LPP: variants seen among roughly 807,000 people sequenced by gnomAD.
LPP encodes lipoma-preferred partner.
A neutral mutation model predicts 60.4 loss-of-function variants in LPP; 38 were observed. The observed-to-expected ratio is 0.63, with a 90% CI of 0.49 to 0.83. The LOEUF is 0.83. LPP is among the 40% of genes least tolerant of loss of function. The pLI is 0.00. For missense variants in LPP, 902 were observed against 783.6 expected, an observed-to-expected ratio of 1.15 and a Z score of -1.80; for synonymous variants, 328 against 290.8, an observed-to-expected ratio of 1.13 and a Z score of -1.30.
At chr3:188,223,830 A>C (rs891332571) in intron 1 of LPP, among the ~76,000 whole-genome samples, 1 of 152,128 alleles carries the variant, frequency 6.6e-6, no homozygotes, top group Non-Finnish European at 1.5e-5. Flanking sequence ...TCACAGGTCT[A>C]ATGTTGGCTT....
At chr3:188,241,197 T>C in intron 2 of LPP, among the ~76,000 whole-genome samples, 1 of 152,300 alleles carries the variant, frequency 6.6e-6, no homozygotes, top group South Asian at 2.1e-4. Flanking sequence ...TGGATAGAAC[T>C]ACTGATATAG....
intron 7 of LPP, among the ~76,000 whole-genome samples, chr3:188,647,914 G>A (rs1008117619): frequency 3.3e-5 from 5 of 152,196 alleles, no homozygotes; most frequent in Non-Finnish European, 5.9e-5. Context: ...CATAAGGCCT[G>A]TGGTCAAAGA....
At chr3:188,617,560 C>T (rs568405781) in intron 7 of LPP, among the ~76,000 whole-genome samples, 10 of 152,256 alleles carry the variant, frequency 6.6e-5, no homozygotes, top group East Asian at 1.9e-4. Flanking sequence ...TGAAAACACT[C>T]GTTCATGGGC....
chr3:188,505,974 C>T (rs1813335291), intron 5 of LPP, among the ~76,000 whole-genome samples: 1 of 152,200 alleles, frequency 6.6e-6, no homozygotes, highest in South Asian at 2.1e-4. Context: ...CCTTTTTATA[C>T]AGTCCTTGCT....
At chr3:188,719,426 G>A (rs564814326) in intron 8 of LPP, among the ~76,000 whole-genome samples, 8 of 152,284 alleles carry the variant, frequency 5.3e-5, no homozygotes, top group Admixed American at 2.0e-4. Context: ...GTTTCATACC[G>A]TCTTGATACA....
chr3:188,450,059 T>C (rs917500144), intron 4 of LPP, among the ~76,000 whole-genome samples: 1 of 152,138 alleles, frequency 6.6e-6, no homozygotes, highest in African/African-American at 2.4e-5. Flanking sequence ...CACCTCGGAC[T>C]CCCAAAATGC....
intron 1 of LPP, among the ~76,000 whole-genome samples, chr3:188,174,914 T>G (rs950620247): frequency 6.6e-6 from 1 of 152,092 alleles, no homozygotes; most frequent in African/African-American, 2.4e-5. Context: ...ACTGATCACT[T>G]CTTACCTTCT....
chr3:188,396,322 C>T (rs1257686917), intron 3 of LPP, among the ~76,000 whole-genome samples: 1 of 152,002 alleles, frequency 6.6e-6, no homozygotes, highest in Admixed American at 6.6e-5. Flanking sequence ...TATTCAAAAA[C>T]AGAAAAATAC....
At chr3:188,699,526 G>A (rs892766335) in intron 7 of LPP, among the ~76,000 whole-genome samples, 10 of 152,196 alleles carry the variant, frequency 6.6e-5, no homozygotes, top group Admixed American at 2.0e-4. Context: ...TCAAGATTTC[G>A]AAAGTTGAAG....
chr3:188,781,892 A>AG (rs1491110986), intron 9 of LPP, among the ~76,000 whole-genome samples: 9 of 104,318 alleles, frequency 8.6e-5, no homozygotes, highest in African/African-American at 3.1e-4. Flanking sequence ...ACTCCGTCTC[A>AG]AAAAAAAAAA....
intron 4 of LPP, among the ~76,000 whole-genome samples, chr3:188,448,426 A>G (rs1443507708): frequency 8.6e-6 from 1 of 115,832 alleles, no homozygotes; most frequent in Non-Finnish European, 1.9e-5. Flanking sequence ...ATATTTAGAT[A>G]AAGATATCTA....
chr3:188,718,403 C>T (rs1427482445), intron 8 of LPP, among the ~76,000 whole-genome samples: 2 of 152,014 alleles, frequency 1.3e-5, no homozygotes, highest in Non-Finnish European at 2.9e-5. Context: ...ACCGTAGATC[C>T]ACCTTATTCA....
chr3:188,445,996 G>C (rs578081312), intron 4 of LPP, among the ~76,000 whole-genome samples: 1 of 152,258 alleles, frequency 6.6e-6, no homozygotes, highest in South Asian at 2.1e-4. Context: ...ATTTAACAGG[G>C]AGGGGAAGTT....
intron 9 of LPP, among the ~76,000 whole-genome samples, chr3:188,827,216 G>C (rs1247720047): frequency 1.3e-5 from 2 of 152,122 alleles, no homozygotes; most frequent in East Asian, 1.9e-4. Flanking sequence ...GACCATTCCA[G>C]ATCACATAGT....
chr3:188,282,605 C>T lies in LPP; in HGVS notation c.-67+57078C>T, dbSNP rs1381821421. Among the ~76,000 whole-genome samples the T allele has an allele frequency of 3.3e-5, 5 of 152,084 alleles. No individual in the cohort carries two copies. The East Asian group carries it at 9.6e-4, about 29-fold the overall frequency. Reference sequence around the variant, plus strand: ...GCATAAGTGACATCCCTGCTTAGGACCCTACACTCATGATTTCAGGCAACC... The same window carrying T: ...GCATAAGTGACATCCCTGCTTAGGATCCTACACTCATGATTTCAGGCAACC... On this transcript the variant is annotated intron_variant, in intron 2 of 11. Transcript: ENST00000617246.
chr3:188,231,331 T>C (rs578011244), intron 2 of LPP, among the ~76,000 whole-genome samples: 2 of 152,318 alleles, frequency 1.3e-5, no homozygotes, highest in South Asian at 4.1e-4. Flanking sequence ...GGACGTTGCC[T>C]GAAGCAGTTG....
chr3:188,267,646 C>T (rs1345929799), intron 2 of LPP, among the ~76,000 whole-genome samples: 2 of 152,216 alleles, frequency 1.3e-5, no homozygotes, highest in Admixed American at 1.3e-4. Context: ...CCCTGATGAC[C>T]TGTGCTCAGC....
intron 3 of LPP, among the ~76,000 whole-genome samples, chr3:188,384,154 A>G (rs1777587494): frequency 6.6e-6 from 1 of 152,134 alleles, no homozygotes. Flanking sequence ...GACGAAGTTT[A>G]TGTATTGTTT....
intron 2 of LPP, among the ~76,000 whole-genome samples, chr3:188,330,461 C>A (rs1013001867): frequency 1.3e-5 from 2 of 152,120 alleles, no homozygotes. Flanking sequence ...CACCTGTGAG[C>A]TTTTTGAGTC....
Sources: gnomAD v4.1 joint callset for allele counts (sites outside exome capture counted in the v4.1 genomes callset) on GRCh38, gnomAD v4.1.1 for gene constraint, MANE v1.5 for transcripts, NCBI Gene and HGNC (gene_info 2026-07-23, HGNC 2026-07-21) for gene names.